Variants in FXYD6 observed in about 807,000 individuals in gnomAD.
FXYD6 encodes the protein FXYD domain-containing ion transport regulator 6.
Under a neutral mutation model 16.7 loss-of-function variants are expected in FXYD6, and 7 were observed. The observed-to-expected ratio is 0.42, with a 90% confidence interval of 0.24 to 0.79. FXYD6 has a LOEUF of 0.79. FXYD6 is among the 30% of genes least tolerant of loss of function. The probability of loss-of-function intolerance (pLI) is 0.28; values close to 1 mark genes in which losing one functional copy is unlikely to be tolerated. For synonymous variants in FXYD6, 49 were observed against 43.0 expected (o/e 1.14, Z -0.54); for missense variants, 111 against 116.2 (o/e 0.95, Z 0.21).
At chr11:117,874,678 G>A (rs1206835454) in intron 1 of FXYD6, among the ~76,000 whole-genome samples, 2 of 152,206 alleles carry the variant, frequency 1.3e-5, no homozygotes, top group African/African-American at 4.8e-5. Context: ...CTGATCCTCT[G>A]CTGGTGAGGA....
intron 1 of FXYD6, among the ~76,000 whole-genome samples, chr11:117,867,898 A>G (rs1004708260): frequency 2.0e-5 from 3 of 152,186 alleles, no homozygotes; most frequent in East Asian, 1.9e-4. Context: ...ACTCAGCCAC[A>G]TTCAGCTCTA....
intron 1 of FXYD6, among the ~76,000 whole-genome samples, chr11:117,869,512 G>C (rs188245002): frequency 2.6e-5 from 4 of 152,288 alleles, no homozygotes; most frequent in East Asian, 3.9e-4. Context: ...GGACTCAACC[G>C]GCCCAGACCC....
intron 5 of FXYD6, among the ~76,000 whole-genome samples, chr11:117,840,703 T>C (rs2056319362): frequency 6.6e-6 from 1 of 152,116 alleles, no homozygotes; most frequent in Non-Finnish European, 1.5e-5. Flanking sequence ...TAATGGGGTA[T>C]GACCTCTATG....
intron 1 of FXYD6, among the ~76,000 whole-genome samples, chr11:117,873,815 C>G (rs1215430098): frequency 1.3e-5 from 2 of 152,114 alleles, no homozygotes; most frequent in Non-Finnish European, 2.9e-5. Flanking sequence ...CCTTTCTCCC[C>G]CATCTCCTTG....
chr11:117,851,294 T>C (rs1476681465), intron 1 of FXYD6, among the ~76,000 whole-genome samples: 1 of 152,100 alleles, frequency 6.6e-6, no homozygotes, highest in Non-Finnish European at 1.5e-5. Context: ...TCTCTCTCTC[T>C]CTCCCTCCCT....
At chr11:117,868,001 A>T (rs1215739006) in intron 1 of FXYD6, among the ~76,000 whole-genome samples, 2 of 152,204 alleles carry the variant, frequency 1.3e-5, no homozygotes, top group Non-Finnish European at 2.9e-5. Flanking sequence ...CAAGGTTAAT[A>T]AATGCTATCT....
intron 1 of FXYD6, among the ~76,000 whole-genome samples, chr11:117,849,093 A>C (rs1382446739): frequency 6.6e-6 from 1 of 152,202 alleles, no homozygotes; most frequent in Non-Finnish European, 1.5e-5. Flanking sequence ...TTAAGACTGC[A>C]ATGTTCCCTC....
In FXYD6 at chr11:117,837,250, T is replaced by G. The variant is rs907724163; in HGVS notation, c.*1049A>C. The G allele has an allele frequency of 2.0e-5, 3 of 152,108 alleles. No individual in the cohort carries two copies. The highest frequency in any genetic ancestry group is 4.4e-5 in the Non-Finnish European group (3 of 68,056). 9.4% of individuals were successfully genotyped at this position (152,108 alleles called of 1,614,324 possible). ...CAGGCAGAGCAAAGGATGCGGGAGT[T>G]GCCTCTGCTGCCCATCTAAGGGGAC... On this transcript the variant is annotated 3_prime_UTR_variant, in exon 8 of 8. Coordinates refer to ENST00000526014, the MANE Select transcript of FXYD6 (RefSeq NM_022003.4). The surrounding 1 kb of genome is among the most constrained non-coding windows in gnomAD (Gnocchi z 4.4).
rs532424673 is a variant in FXYD6 at position 117,857,089 on chromosome 11, A to C, written c.-5-14308T>G. On this transcript the variant is annotated intron_variant, in intron 1 of 7. Transcript: ENST00000526014. ...GGAATGGGGTGGCCAGGGACATGAG[A>C]GGGCAGGAGGGAAGCCACTGCCACT... is the stretch of plus-strand genomic sequence containing the variant. Among the ~76,000 whole-genome samples, 16 of 152,318 alleles carry C rather than the reference A, an allele frequency of 1.1e-4. 1 individual carries two copies. The South Asian group carries it at 3.3e-3, about 32-fold the overall frequency.
rs558919532 is a variant in FXYD6, at chr11:117,870,262, G to A, written c.-6+6330C>T. On this transcript the variant is annotated intron_variant, in intron 1 of 7. Coordinates refer to ENST00000526014, the MANE Select transcript of FXYD6 (RefSeq NM_022003.4). This position sits in a 1 kb window ranked among gnomAD's most constrained non-coding sequence, Gnocchi z 4.2. ...CCCTCTGGTTCCCCAGGAGATCTCG[G>A]TCTGGCTCCAGAGAGTCTGAATGGT... Among the ~76,000 whole-genome samples, 41 of 152,370 alleles carry A rather than the reference G, an allele frequency of 2.7e-4. No individual in the cohort carries two copies. Among genetic ancestry groups the A allele is most frequent in the Admixed American group, 2.2e-3 (33 of 15,310 alleles).
chr11:117,869,775 C>T (rs559980120), intron 1 of FXYD6, among the ~76,000 whole-genome samples: 4 of 152,342 alleles, frequency 2.6e-5, no homozygotes, highest in African/African-American at 9.6e-5. Context: ...AATCACAAAT[C>T]CAGGCCTGTT....
chr11:117,842,729 G>A lies in FXYD6; in HGVS notation c.48C>T (p.Val16=). ...VFLCSLLAPM[V]LASAAEKEKE... Reference sequence around the variant, plus strand: ...CAGAGGGGTACTTACCACTGGCCAGGACCATGGGGGCCAGCAGGCTGCAGA... The same window carrying A: ...CAGAGGGGTACTTACCACTGGCCAGAACCATGGGGGCCAGCAGGCTGCAGA... The change falls in exon 2 of 8, where the codon GTC becomes GTT. Residue 16 remains valine (V), a synonymous_variant. Coordinates refer to ENST00000526014, the MANE Select transcript of FXYD6 (RefSeq NM_022003.4). The A allele has an allele frequency of 6.4e-7, 1 of 1,568,734 alleles. No homozygotes were observed. Among genetic ancestry groups the A allele is most frequent in the African/African-American group, 1.4e-5 (1 of 73,976 alleles).
chr11:117,839,739 G>A (rs370016539), intron 7 of FXYD6, 42 bp downstream of exon 7: 93 of 1,611,978 alleles, frequency 5.8e-5, no homozygotes, highest in South Asian at 2.9e-4. Flanking sequence ...TGATGCAGAC[G>A]GTGATGGCAA....
chr11:117,849,061 T>C (rs1399468394), intron 1 of FXYD6, among the ~76,000 whole-genome samples: 2 of 152,226 alleles, frequency 1.3e-5, no homozygotes, highest in Non-Finnish European at 2.9e-5. Context: ...ATTTAGCTTT[T>C]CTTATTTTCC....
At chr11:117,841,954 C>T in intron 3 of FXYD6, 36 bp downstream of exon 3, 1 of 1,614,062 alleles carries the variant, frequency 6.2e-7, no homozygotes, top group Non-Finnish European at 8.5e-7. Flanking sequence ...GGCTGCATTC[C>T]CCCTGACCCC....
chr11:117,869,685 GAAGA>G (rs1565331709), intron 1 of FXYD6, among the ~76,000 whole-genome samples: 3 of 152,204 alleles, frequency 2.0e-5, no homozygotes, highest in African/African-American at 7.2e-5. Flanking sequence ...AGAAGAAGAA[GAAGA>G]AGAGAGAGAG....
intron 2 of FXYD6, among the ~76,000 whole-genome samples, chr11:117,842,426 A>C (rs1176516382): frequency 6.6e-6 from 1 of 152,188 alleles, no homozygotes; most frequent in Non-Finnish European, 1.5e-5. Context: ...TGCAGGTCTG[A>C]ATCCCAGGGT....
chr11:117,858,537 T>C (rs1194564959), intron 1 of FXYD6, among the ~76,000 whole-genome samples: 1 of 152,144 alleles, frequency 6.6e-6, no homozygotes, highest in African/African-American at 2.4e-5. Flanking sequence ...AACACTCTCC[T>C]GTCAAAGTTC....
At chr11:117,844,720 A>T (rs2056434456) in intron 1 of FXYD6, among the ~76,000 whole-genome samples, 1 of 152,044 alleles carries the variant, frequency 6.6e-6, no homozygotes, top group African/African-American at 2.4e-5. Context: ...CAAACTTCTG[A>T]CCTCAGGTGA....
Sources: gnomAD v4.1 joint callset for allele counts (sites outside exome capture counted in the v4.1 genomes callset) on GRCh38, gnomAD v4.1.1 for gene constraint, Gnocchi (gnomAD v3.1) non-coding constraint, MANE v1.5 for transcripts, NCBI Gene and HGNC (gene_info 2026-07-23, HGNC 2026-07-21) for gene names.